Variants in GIPC2 observed in about 807,000 individuals in gnomAD.
GIPC2 encodes the protein PDZ domain-containing protein GIPC2.
A neutral mutation model predicts 30.6 loss-of-function variants in GIPC2; 30 were observed. The ratio of observed to expected loss-of-function variants is 0.98; its 90% CI spans 0.73 to 1.33. The LOEUF (loss-of-function observed/expected upper bound fraction) is 1.33. Among genes scored for constraint, GIPC2 ranks in the 40% most tolerant of loss-of-function variants. The pLI is 0.00. For synonymous variants in GIPC2, 167 were observed against 150.0 expected, an observed-to-expected ratio of 1.11 and a Z score of -0.83; for missense variants, 414 against 390.3, an observed-to-expected ratio of 1.06 and a Z score of -0.51.
chr1:78,130,974 A>G (rs1662882940), intron 5 of GIPC2, among the ~76,000 whole-genome samples: 1 of 151,990 alleles, frequency 6.6e-6, no homozygotes, highest in Admixed American at 6.6e-5. Context: ...CTTAGCTGCT[A>G]TATGTGGTAA....
intron 2 of GIPC2, among the ~76,000 whole-genome samples, chr1:78,093,489 G>A (rs1257328022): frequency 6.6e-6 from 1 of 152,186 alleles, no homozygotes; most frequent in Non-Finnish European, 1.5e-5. Flanking sequence ...AATGAACATA[G>A]CAATATTCTT....
chr1:78,133,558 G>GGTGCTGGTGGCTAGGAGGAGGTT (rs1370336918), intron 5 of GIPC2, among the ~76,000 whole-genome samples: 20 of 152,174 alleles, frequency 1.3e-4, no homozygotes, highest in Admixed American at 1.2e-3. Flanking sequence ...TTTTGATGGT[G>GGTGCTGGTGGCTAGGAGGAGGTT]GTGCTGGTGG....
At chr1:78,118,936 A>G (rs945872248) in intron 3 of GIPC2, among the ~76,000 whole-genome samples, 2 of 151,974 alleles carry the variant, frequency 1.3e-5, no homozygotes, top group African/African-American at 4.8e-5. Flanking sequence ...ATCCTCAAAT[A>G]ATAGTGCTCT....
chr1:78,071,668 C>A (rs1403441277), intron 1 of GIPC2, among the ~76,000 whole-genome samples: 1 of 151,738 alleles, frequency 6.6e-6, no homozygotes, highest in Non-Finnish European at 1.5e-5. Context: ...AACTCCTGAG[C>A]GCAAGTGATC....
chr1:78,129,040 AAAG>A lies in GIPC2; in HGVS notation c.796+3084_796+3086del, dbSNP rs200563474. ...TAAATAAATAAATAAATGAAAAAAAAAAGAAGAAAATGCAGCTTAAAAAAAGGA... is the reference window on the plus strand; with the variant it reads ...TAAATAAATAAATAAATGAAAAAAAAAAGAAAATGCAGCTTAAAAAAAGGA... On this transcript the variant is annotated intron_variant, in intron 5 of 5. Coordinates refer to ENST00000370759, the MANE Select transcript of GIPC2 (RefSeq NM_017655.6). Among the ~76,000 whole-genome samples the A allele has an allele frequency of 6.6e-3, 925 of 141,112 alleles. 4 individuals are homozygous for A. The highest frequency in any genetic ancestry group is 0.021 in the African/African-American group (856 of 40,780). 92.6% of individuals were successfully genotyped at this position (141,112 alleles called of 152,430 possible).
chr1:78,104,170 T>C (rs1662300360), intron 3 of GIPC2, among the ~76,000 whole-genome samples: 1 of 125,802 alleles, frequency 7.9e-6, no homozygotes, highest in Non-Finnish European at 1.6e-5. Context: ...GCCAGTGGTG[T>C]GTAGAGGGGG....
At chr1:78,062,654 T>C (rs964210586) in intron 1 of GIPC2, among the ~76,000 whole-genome samples, 20 of 151,850 alleles carry the variant, frequency 1.3e-4, no homozygotes, top group Admixed American at 2.6e-4. Context: ...ACCACAGGCG[T>C]GCCACAGTGC....
chr1:78,098,764 T>A (rs1052364120), intron 3 of GIPC2, among the ~76,000 whole-genome samples: 1 of 151,784 alleles, frequency 6.6e-6, no homozygotes, highest in Admixed American at 6.6e-5. Flanking sequence ...TAATCCAATA[T>A]GACTGGTGTA....
At chr1:78,102,314 G>C (rs1241859972) in intron 3 of GIPC2, among the ~76,000 whole-genome samples, 1 of 152,152 alleles carries the variant, frequency 6.6e-6, no homozygotes, top group Non-Finnish European at 1.5e-5. Flanking sequence ...CCTCATCTTC[G>C]TGATTCAGCT....
chr1:78,057,084 C>T (rs1471685558), intron 1 of GIPC2, among the ~76,000 whole-genome samples: 12 of 151,828 alleles, frequency 7.9e-5, no homozygotes, highest in Non-Finnish European at 1.6e-4. Flanking sequence ...ATTTTTTTCC[C>T]GATGAGACAA....
At chr1:78,046,654 G>A (rs1571466615) in intron 1 of GIPC2, among the ~76,000 whole-genome samples, 2 of 152,184 alleles carry the variant, frequency 1.3e-5, no homozygotes, top group East Asian at 1.9e-4. Context: ...GGCCGTTCAA[G>A]GCGTGAGCAC....
rs868358996 is a variant in GIPC2, at chr1:78,053,768, C to A, written c.240+7434C>A. Among the ~76,000 whole-genome samples the A allele has an allele frequency of 9.1e-4, 117 of 127,910 alleles. 1 individual carries two copies. The highest frequency in any genetic ancestry group is 1.1e-3 in the Non-Finnish European group (72 of 62,650). The allele number at this position is 127,910 out of a possible 152,430, so 83.9% of individuals were successfully genotyped here. A position where few individuals can be genotyped will look rare whatever the true frequency, so the allele number is the denominator to read the frequency against. On this transcript the variant is annotated intron_variant, in intron 1 of 5. Coordinates refer to ENST00000370759, the MANE Select transcript of GIPC2 (RefSeq NM_017655.6). ...CTTAAAAAAAAAAAAAAAAAAAAGC[C>A]AAAAAAAAAAAAATTAGCCAGAGGT...
intron 1 of GIPC2, among the ~76,000 whole-genome samples, chr1:78,046,819 C>T (rs1661101761): frequency 2.3e-5 from 1 of 44,294 alleles, no homozygotes; most frequent in Non-Finnish European, 4.8e-5. Flanking sequence ...AGGTGATACC[C>T]AGATTAAGTG....
chr1:78,106,339 CA>C (rs1329761746), intron 3 of GIPC2, among the ~76,000 whole-genome samples: 1 of 151,778 alleles, frequency 6.6e-6, no homozygotes, highest in African/African-American at 2.4e-5. Context: ...ATGGGCGGAT[CA>C]CGAGGTCAGG....
chr1:78,089,384 G>A (rs1661995228), intron 2 of GIPC2, among the ~76,000 whole-genome samples: 1 of 152,204 alleles, frequency 6.6e-6, no homozygotes, highest in African/African-American at 2.4e-5. Context: ...CGCTTAAAAT[G>A]TCTGCAGTAC....
chr1:78,112,695 A>G (rs1356394550), intron 3 of GIPC2, among the ~76,000 whole-genome samples: 3 of 152,052 alleles, frequency 2.0e-5, no homozygotes, highest in Non-Finnish European at 2.9e-5. Context: ...TTCTGTCAGC[A>G]CTTCTTTCCC....
rs956608880 is a variant in GIPC2 at position 78,136,233 on chromosome 1, T to C, written c.*490T>C. On this transcript the variant is annotated 3_prime_UTR_variant, in exon 6 of 6. Transcript: ENST00000370759. ...TATGCCCCTTATTGGTCTAGAAGCA[T>C]TGGTTTTTTTTTGATCCTCTGAGTA... 1 of 152,134 alleles carries C rather than the reference T, an allele frequency of 6.6e-6. No homozygotes were observed. Among genetic ancestry groups the C allele is most frequent in the Non-Finnish European group, 1.5e-5 (1 of 68,034 alleles). 9.4% of individuals were successfully genotyped at this position (152,134 alleles called of 1,614,324 possible).
At chr1:78,084,261 C>T (rs1441260332) in intron 2 of GIPC2, among the ~76,000 whole-genome samples, 1 of 152,168 alleles carries the variant, frequency 6.6e-6, no homozygotes, top group Non-Finnish European at 1.5e-5. Context: ...CACCTGTTAT[C>T]CCAGCACTTT....
At chr1:78,092,174 A>C (rs921190194) in intron 2 of GIPC2, 13 of 644,086 alleles carry the variant, frequency 2.0e-5, no homozygotes, top group Non-Finnish European at 3.5e-5. Flanking sequence ...AGAGCCTTTA[A>C]AAAACCCAAG....
Sources: allele counts gnomAD v4.1 joint callset (sites outside exome capture counted in the v4.1 genomes callset), GRCh38; gene constraint gnomAD v4.1.1; transcripts MANE v1.5; gene names NCBI Gene and HGNC (gene_info 2026-07-23, HGNC 2026-07-21).